The following SUSD1 variants were observed in gnomAD, a reference collection of about 807,000 sequenced individuals.
The protein encoded by SUSD1 is sushi domain-containing protein 1.
In SUSD1, 65 loss-of-function variants were observed where a neutral mutation model predicts 86.9. The observed-to-expected ratio is 0.75, with a 90% CI of 0.61 to 0.92. The LOEUF (loss-of-function observed/expected upper bound fraction) is 0.92, where lower values mean the gene tolerates loss of function less well. Among genes scored for constraint, SUSD1 ranks in the 40% least tolerant of loss-of-function variants. SUSD1 has a pLI of 0.00. For missense variants in SUSD1, 850 were observed against 929.7 expected (o/e 0.91, Z 1.11); for synonymous variants, 346 against 350.0 (o/e 0.99, Z 0.13).
At chr9:112,102,638 G>A (rs12554319) in intron 8 of SUSD1, among the ~76,000 whole-genome samples, 2,386 of 152,284 alleles carry the variant, frequency 0.016, 141 homozygotes, top group Admixed American at 0.11. Flanking sequence ...CGCTTGGATC[G>A]TCCATAGGAA....
chr9:112,104,275 C>T (rs928590630), intron 8 of SUSD1, among the ~76,000 whole-genome samples: 2 of 151,922 alleles, frequency 1.3e-5, no homozygotes, highest in Non-Finnish European at 2.9e-5. Context: ...GCCTCAGTCT[C>T]CCAAAGTGCT....
At chr9:112,171,491 T>C (rs1450151836) in intron 1 of SUSD1, among the ~76,000 whole-genome samples, 3 of 152,300 alleles carry the variant, frequency 2.0e-5, no homozygotes, top group Admixed American at 2.0e-4. Flanking sequence ...ATGGTATAAG[T>C]GTACAACCAA....
Position 112,080,150 on chromosome 9 carries a change from C to T in SUSD1, c.1490G>A (p.Ser497Asn). ...ATPPAVKQTI[S>N]NISGFNETCL... ...GGTTTCATTAAATCCTGAAATGTTA[C>T]TGATGGTCTGTTTTACTGTAGTGGA... The change falls in exon 11 of 17, where the codon AGT (serine) becomes AAT (asparagine). Residue 497 changes from serine to asparagine, a missense_variant. Coordinates refer to ENST00000374270, the MANE Select transcript of SUSD1 (RefSeq NM_022486.5). 1 of 1,612,722 alleles carries T rather than the reference C, an allele frequency of 6.2e-7. No homozygotes were observed. Among genetic ancestry groups the T allele is most frequent in the Non-Finnish European group, 8.5e-7 (1 of 1,178,900 alleles).
At chr9:112,140,504 A>G (rs1832516971) in intron 5 of SUSD1, among the ~76,000 whole-genome samples, 2 of 150,520 alleles carry the variant, frequency 1.3e-5, no homozygotes, top group Admixed American at 1.3e-4. Flanking sequence ...GCAGAGCAAG[A>G]CTCTGTCTCA....
chr9:112,118,555 G>C (rs905727837), intron 6 of SUSD1, among the ~76,000 whole-genome samples: 2 of 152,294 alleles, frequency 1.3e-5, no homozygotes, highest in Middle Eastern at 6.8e-3. Flanking sequence ...CATGTTCTCA[G>C]CTGACTGCAA....
At chr9:112,118,764 C>T (rs1374158387) in intron 6 of SUSD1, among the ~76,000 whole-genome samples, 2 of 152,152 alleles carry the variant, frequency 1.3e-5, no homozygotes, top group African/African-American at 2.4e-5. Flanking sequence ...GGATTACAGG[C>T]GTGAGCCACC....
chr9:112,048,834 G>A (rs577638967), intron 15 of SUSD1, among the ~76,000 whole-genome samples: 3 of 152,316 alleles, frequency 2.0e-5, no homozygotes, highest in South Asian at 4.1e-4. Context: ...GATGGAAGTC[G>A]TCAAGTAATT....
intron 15 of SUSD1, among the ~76,000 whole-genome samples, chr9:112,051,939 T>C (rs1406170970): frequency 6.6e-6 from 1 of 152,160 alleles, no homozygotes; most frequent in Non-Finnish European, 1.5e-5. Flanking sequence ...CTAGCCCATC[T>C]CCTAGTAACA....
intron 5 of SUSD1, among the ~76,000 whole-genome samples, chr9:112,138,218 C>T (rs1263316014): frequency 3.7e-4 from 16 of 43,578 alleles, no homozygotes; most frequent in Non-Finnish European, 4.7e-4. Context: ...AGTGAGACTC[C>T]ATCTCAAAAA....
chr9:112,126,105 C>T (rs372640960), intron 5 of SUSD1, among the ~76,000 whole-genome samples: 2 of 152,344 alleles, frequency 1.3e-5, no homozygotes, highest in East Asian at 3.9e-4. Flanking sequence ...TGTGTGTACA[C>T]AAGCAACCAA....
chr9:112,114,054 T>A (rs958314102), intron 6 of SUSD1, among the ~76,000 whole-genome samples: 4 of 152,192 alleles, frequency 2.6e-5, no homozygotes, highest in Middle Eastern at 3.4e-3. Context: ...CCAAAACAAG[T>A]ATTACAGCTG....
intron 8 of SUSD1, among the ~76,000 whole-genome samples, chr9:112,108,111 A>G (rs1380080535): frequency 2.0e-5 from 3 of 152,244 alleles, no homozygotes; most frequent in African/African-American, 7.2e-5. Flanking sequence ...CACTGTATAC[A>G]ATGCTTGTAA....
Position 112,157,451 on chromosome 9 carries a change from C to A in SUSD1, c.217+49G>T, listed in dbSNP as rs1200656257. The stretch of plus-strand genomic sequence containing the variant: ...CATCAACTCTTTAATACAAGAGAAT[C>A]TTGTTTCTCGATTCAGCTTTTCAAC... On this transcript the variant is annotated intron_variant, in intron 2 of 16. Coordinates refer to ENST00000374270, the MANE Select transcript of SUSD1 (RefSeq NM_022486.5). 21 of 1,337,102 alleles carry A rather than the reference C, an allele frequency of 1.6e-5. 1 individual carries two copies. The Admixed American group carries it at 3.9e-4, about 25-fold the overall frequency. The allele number at this position is 1,337,102 out of a possible 1,614,324, so 82.8% of individuals were successfully genotyped here.
At chr9:112,146,414 A>AT (rs1564338182) in intron 3 of SUSD1, among the ~76,000 whole-genome samples, 1 of 152,174 alleles carries the variant, frequency 6.6e-6, no homozygotes, top group Admixed American at 6.5e-5. Context: ...CTATAGCTCA[A>AT]TTTTTTACAA....
chr9:112,051,063 C>A (rs137904892), intron 15 of SUSD1, among the ~76,000 whole-genome samples: 2 of 152,330 alleles, frequency 1.3e-5, no homozygotes, highest in African/African-American at 4.8e-5. Context: ...GCTTGTCCTG[C>A]CCAGCAAGAG....
chr9:112,044,877 A>G lies in SUSD1; in HGVS notation c.2150-2917T>C, dbSNP rs548923488. Among the ~76,000 whole-genome samples the G allele has an allele frequency of 3.3e-5, 5 of 152,382 alleles. No homozygotes were observed. In the South Asian group the frequency reaches 1.0e-3, roughly 32 times the overall value. Reference sequence around the variant, plus strand: ...GATTAAAAGGCAAATGGCAAGCTGGATAAAATATCTAGAATAATGGGCAAG... The same window carrying G: ...GATTAAAAGGCAAATGGCAAGCTGGGTAAAATATCTAGAATAATGGGCAAG... On this transcript the variant is annotated intron_variant, in intron 15 of 16. Coordinates refer to ENST00000374270, the MANE Select transcript of SUSD1 (RefSeq NM_022486.5).
intron 11 of SUSD1, among the ~76,000 whole-genome samples, chr9:112,079,666 G>A (rs1460093806): frequency 1.3e-5 from 2 of 150,488 alleles, no homozygotes; most frequent in East Asian, 1.9e-4. Context: ...TCAGTGGCGC[G>A]ATCTTGGTTA....
intron 12 of SUSD1, among the ~76,000 whole-genome samples, chr9:112,069,358 C>T (rs1829148257): frequency 6.6e-6 from 1 of 152,114 alleles, no homozygotes; most frequent in Non-Finnish European, 1.5e-5. Flanking sequence ...GGCCTCACAT[C>T]ACTCATTTGT....
chr9:112,064,046 T>TTTTTTTTTTTTTTTTTTTGGG (rs1491139474), intron 12 of SUSD1, among the ~76,000 whole-genome samples: 1 of 78,652 alleles, frequency 1.3e-5, no homozygotes, highest in Non-Finnish European at 3.0e-5. Flanking sequence ...TTTCTTTTTT[T>TTTTTTTTTTTTTTTTTTTGGG]GGGGGGGGGG....
Sources: gnomAD v4.1 joint callset for allele counts (sites outside exome capture counted in the v4.1 genomes callset) on GRCh38, gnomAD v4.1.1 for gene constraint, MANE v1.5 for transcripts, NCBI Gene and HGNC (gene_info 2026-07-23, HGNC 2026-07-21) for gene names.